The following PCDHGA11 variants were observed in gnomAD, a reference collection of about 807,000 sequenced individuals.
The protein encoded by PCDHGA11 is protocadherin gamma-A11.
A neutral mutation model predicts 60.4 loss-of-function variants in PCDHGA11; 39 were observed. That is an observed-to-expected ratio of 0.65 (90% confidence interval 0.50 to 0.84). The LOEUF is 0.84. Among genes scored for constraint, PCDHGA11 ranks in the 40% least tolerant of loss-of-function variants. The pLI is 0.00. For missense variants in PCDHGA11, 1,165 were observed against 1,197.7 expected, an observed-to-expected ratio of 0.97 and a Z score of 0.40; for synonymous variants, 533 against 510.3, an observed-to-expected ratio of 1.04 and a Z score of -0.60.
At chr5:141,443,126 A>G (rs972396091) in intron 1 of PCDHGA11, among the ~76,000 whole-genome samples, 1 of 152,190 alleles carries the variant, frequency 6.6e-6, no homozygotes, top group Non-Finnish European at 1.5e-5. Context: ...AACCAGATTA[A>G]GAACACTATC....
chr5:141,427,983 C>G, intron 1 of PCDHGA11: 2 of 1,596,840 alleles, frequency 1.3e-6, no homozygotes, highest in South Asian at 2.2e-5. Context: ...CGCGCTGGGG[C>G]CCGATGGCTC....
intron 1 of PCDHGA11, among the ~76,000 whole-genome samples, chr5:141,454,222 T>C (rs1411974754): frequency 6.6e-6 from 1 of 152,118 alleles, no homozygotes; most frequent in African/African-American, 2.4e-5. Flanking sequence ...ATGAGAAAAG[T>C]AATTGTGATG....
At chr5:141,501,883 G>A (rs1204174131) in intron 2 of PCDHGA11, among the ~76,000 whole-genome samples, 1 of 152,022 alleles carries the variant, frequency 6.6e-6, no homozygotes, top group African/African-American at 2.4e-5. Flanking sequence ...TTACACTCCT[G>A]ATCATCATGG....
chr5:141,432,539 G>A lies in PCDHGA11; in HGVS notation c.2433+8879G>A. 2.5e-6 allele frequency: 4 copies of A among 1,614,038 alleles called. No individual in the cohort carries two copies. Among genetic ancestry groups the A allele is most frequent in the Non-Finnish European group, 3.4e-6 (4 of 1,180,022 alleles). ...CTACCTGGTGACCAAGGTGGTGGCG[G>A]TGGACAGAGACTCCGGCCAGAACGC... On this transcript the variant is annotated intron_variant, in intron 1 of 3. Transcript: ENST00000398587. The surrounding 1 kb of genome is among the most constrained non-coding windows in gnomAD (Gnocchi z 6.0).
chr5:141,489,093 A>T lies in PCDHGA11; in HGVS notation c.2434-5714A>T. ...GCCCACCCCCGCCACTCGGTGACTA[A>T]GAACTGCTGCAAGCAGGCAAACCTC... is the stretch of plus-strand genomic sequence containing the variant. On this transcript the variant is annotated intron_variant, in intron 1 of 3. Coordinates refer to ENST00000398587, the MANE Select transcript of PCDHGA11 (RefSeq NM_018914.3). This position sits in a 1 kb window ranked among gnomAD's most constrained non-coding sequence, Gnocchi z 4.5. 2.1e-6 allele frequency: 1 copy of T among 477,272 alleles called. No individual in the cohort carries two copies. Among genetic ancestry groups the T allele is most frequent in the Non-Finnish European group, 3.6e-6 (1 of 276,700 alleles). The allele number at this position is 477,272 out of a possible 1,614,324, so 29.6% of individuals were successfully genotyped here.
rs372115955 is a variant in PCDHGA11 at position 141,422,568 on chromosome 5, C to A, written c.1341C>A (p.Asn447Lys). ...THVWLNVADD[N>K]DNPPVFPHSS... is the part of the protein sequence containing the mutation. Reference sequence around the variant, plus strand: ...TCTGGCTGAATGTGGCAGATGACAACGATAACCCTCCCGTTTTTCCTCACT... The same window carrying A: ...TCTGGCTGAATGTGGCAGATGACAAAGATAACCCTCCCGTTTTTCCTCACT... The change falls in exon 1 of 4, where the codon AAC (asparagine) becomes AAA (lysine). Residue 447 changes from asparagine (N) to lysine (K), a missense_variant. By Grantham distance (94) the Asn-to-Lys change is moderately conservative. Coordinates refer to ENST00000398587, the MANE Select transcript of PCDHGA11 (RefSeq NM_018914.3). 3.1e-6 allele frequency: 5 copies of A among 1,613,904 alleles called. No individual in the cohort carries two copies. The highest frequency in any genetic ancestry group is 3.3e-5 in the Admixed American group (2 of 60,004).
intron 1 of PCDHGA11, chr5:141,441,037 A>G (rs1318122240): frequency 6.6e-6 from 1 of 152,194 alleles, no homozygotes; most frequent in Admixed American, 6.5e-5. Context: ...GAAAACTTTA[A>G]GTACATTGGA....
In PCDHGA11 at chr5:141,457,491, A is replaced by G. The variant is rs1462989353; in HGVS notation, c.2433+33831A>G. Among the ~76,000 whole-genome samples, 9 of 152,368 alleles carry G rather than the reference A, an allele frequency of 5.9e-5. No individual in the cohort carries two copies. The East Asian group carries it at 1.5e-3, about 26-fold the overall frequency. On this transcript the variant is annotated intron_variant, in intron 1 of 3. Transcript: ENST00000398587. ...ATAAGCAGGGCCAGGGTTAGTCTAA[A>G]ATGTAGGCAAAAAGCTTAAAAACAA...
At chr5:141,438,605 T>TAC (rs2098010130) in intron 1 of PCDHGA11, among the ~76,000 whole-genome samples, 1 of 27,802 alleles carries the variant, frequency 3.6e-5, no homozygotes. Flanking sequence ...TATATATATA[T>TAC]ATATATATAT....
At position 141,491,049 on chromosome 5, in the gene PCDHGA11, G is replaced by C; in HGVS notation, c.2434-3758G>C. The C allele has an allele frequency of 1.2e-6, 2 of 1,614,116 alleles. No homozygotes were observed. Among genetic ancestry groups the C allele is most frequent in the Admixed American group, 3.3e-5 (2 of 60,024 alleles). On this transcript the variant is annotated intron_variant, in intron 1 of 3. Transcript: ENST00000398587. This position sits in a 1 kb window ranked among gnomAD's most constrained non-coding sequence, Gnocchi z 6.9. ...TGGATGCTGATGCAGGCCACAATGC[G>C]TGGCTCTCCTACTCACTGTTGCCAC...
chr5:141,428,856 G>A (rs1195849417), intron 1 of PCDHGA11: 4 of 143,808 alleles, frequency 2.8e-5, no homozygotes, highest in Admixed American at 1.4e-4. Flanking sequence ...ATTTTTACGG[G>A]AGACTTTTTT....
At chr5:141,457,881 G>T (rs2098931594) in intron 1 of PCDHGA11, among the ~76,000 whole-genome samples, 2 of 152,230 alleles carry the variant, frequency 1.3e-5, no homozygotes, top group African/African-American at 4.8e-5. Context: ...TAGGAACCCT[G>T]TGTGGGGACT....
Position 141,431,980 on chromosome 5 carries a change from C to G in PCDHGA11, c.2433+8320C>G. The G allele has an allele frequency of 6.2e-7, 1 of 1,614,214 alleles. No homozygotes were observed. The highest frequency in any genetic ancestry group is 8.5e-7 in the Non-Finnish European group (1 of 1,180,024). ...GAAATTACTATAGTTTAGTCACAGACATAGTCTTGGATAGGGAACAGGTTC... is the reference window on the plus strand; with the variant it reads ...GAAATTACTATAGTTTAGTCACAGAGATAGTCTTGGATAGGGAACAGGTTC... On this transcript the variant is annotated intron_variant, in intron 1 of 3. Transcript: ENST00000398587. The surrounding 1 kb of genome is among the most constrained non-coding windows in gnomAD (Gnocchi z 4.8).
At chr5:141,428,275 G>C in intron 1 of PCDHGA11, 1 of 767,218 alleles carries the variant, frequency 1.3e-6, no homozygotes, top group Non-Finnish European at 2.2e-6. Context: ...TGTGCCCTCT[G>C]ATTCCCAAGC....
chr5:141,452,054 C>T (rs578157525), intron 1 of PCDHGA11, among the ~76,000 whole-genome samples: 2 of 152,078 alleles, frequency 1.3e-5, no homozygotes, highest in Admixed American at 1.3e-4. Flanking sequence ...TTTGTAATAA[C>T]TTATTCTACT....
chr5:141,494,076 G>A (rs538740530), intron 1 of PCDHGA11, among the ~76,000 whole-genome samples: 24 of 152,234 alleles, frequency 1.6e-4, no homozygotes, highest in African/African-American at 4.3e-4. Flanking sequence ...ATCCCTCCCC[G>A]CTGCATCCCT....
chr5:141,450,454 G>A (rs144071286), intron 1 of PCDHGA11, among the ~76,000 whole-genome samples: 3,498 of 151,958 alleles, frequency 0.023, 60 homozygotes, highest in Middle Eastern at 0.051. Flanking sequence ...ATGTTTCCTC[G>A]TGATTTTATA....
intron 1 of PCDHGA11, chr5:141,430,905 C>T: frequency 6.2e-7 from 1 of 1,606,922 alleles, no homozygotes; most frequent in Non-Finnish European, 8.5e-7. Context: ...GGCGACATCT[C>T]CAGGGACCTG....
intron 1 of PCDHGA11, among the ~76,000 whole-genome samples, chr5:141,447,123 T>TTTTG (rs1327676720): frequency 6.6e-6 from 1 of 152,160 alleles, no homozygotes; most frequent in Admixed American, 6.6e-5. Context: ...CCATGGATTT[T>TTTTG]TTTGTTTGTT....
Sources: gnomAD v4.1 joint callset for allele counts (sites outside exome capture counted in the v4.1 genomes callset) on GRCh38, gnomAD v4.1.1 for gene constraint, Gnocchi (gnomAD v3.1) non-coding constraint, MANE v1.5 for transcripts, NCBI Gene and HGNC (gene_info 2026-07-23, HGNC 2026-07-21) for gene names.